PCDHGB7: variants seen among roughly 807,000 people sequenced by gnomAD.
PCDHGB7 encodes the protein protocadherin gamma-B7.
Under a neutral mutation model 61.4 loss-of-function variants are expected in PCDHGB7, and 37 were observed. That is an observed-to-expected ratio of 0.60 (90% CI 0.46 to 0.79). The LOEUF (loss-of-function observed/expected upper bound fraction) is 0.79, where lower values mean the gene tolerates loss of function less well. Among genes scored for constraint, PCDHGB7 ranks in the 30% least tolerant of loss-of-function variants. The pLI, the probability that PCDHGB7 is intolerant of heterozygous loss-of-function variation, is 0.00. For missense variants in PCDHGB7, 1,166 were observed against 1,202.5 expected (o/e 0.97, Z 0.45); for synonymous variants, 464 against 503.5 (o/e 0.92, Z 1.05).
chr5:141,429,387 T>TTAA (rs775632416), intron 1 of PCDHGB7, among the ~76,000 whole-genome samples: 1 of 151,334 alleles, frequency 6.6e-6, no homozygotes, highest in Non-Finnish European at 1.5e-5. Flanking sequence ...GTTTTTTTTT[T>TTAA]AAAAAAAATT....
intron 1 of PCDHGB7, among the ~76,000 whole-genome samples, chr5:141,446,107 T>C (rs1031524158): frequency 6.6e-6 from 1 of 152,130 alleles, no homozygotes; most frequent in Admixed American, 6.5e-5. Flanking sequence ...TATAGATATA[T>C]TTAGGAAATG....
chr5:141,472,533 C>A (rs1200612581), intron 1 of PCDHGB7, among the ~76,000 whole-genome samples: 3 of 150,970 alleles, frequency 2.0e-5, no homozygotes, highest in African/African-American at 7.3e-5. Flanking sequence ...GAGTGAGACA[C>A]CATCTCAAGA....
At chr5:141,424,540 T>G (rs944656560) in intron 1 of PCDHGB7, 1 of 152,244 alleles carries the variant, frequency 6.6e-6, no homozygotes, top group Admixed American at 6.5e-5. Flanking sequence ...TAGAAATAAC[T>G]TGATTTTGAT....
intron 1 of PCDHGB7, among the ~76,000 whole-genome samples, chr5:141,430,388 A>G (rs2097280501): frequency 6.6e-6 from 1 of 152,106 alleles, no homozygotes; most frequent in Non-Finnish European, 1.5e-5. Flanking sequence ...ATTGGGAAAA[A>G]AAAAAAAAGC....
At chr5:141,420,808 G>A (rs539942896) in intron 1 of PCDHGB7, among the ~76,000 whole-genome samples, 2 of 152,288 alleles carry the variant, frequency 1.3e-5, no homozygotes, top group Admixed American at 6.5e-5. Flanking sequence ...AATTAAGCAA[G>A]CCCTTTTAAT....
At chr5:141,458,064 C>G (rs886724551) in intron 1 of PCDHGB7, among the ~76,000 whole-genome samples, 1 of 152,104 alleles carries the variant, frequency 6.6e-6, no homozygotes, top group Admixed American at 6.6e-5. Flanking sequence ...TGCACTGATG[C>G]GAACAACTAT....
chr5:141,493,330 A>G lies in PCDHGB7; in HGVS notation c.2416-1477A>G, dbSNP rs979607147. 6.6e-6 allele frequency among the ~76,000 whole-genome samples: 1 copy of G among 152,182 alleles called. No homozygotes were observed. Among genetic ancestry groups the G allele is most frequent in the Non-Finnish European group, 1.5e-5 (1 of 68,020 alleles). On this transcript the variant is annotated intron_variant, in intron 1 of 3. Coordinates refer to ENST00000398594, the MANE Select transcript of PCDHGB7 (RefSeq NM_018927.4). The surrounding 1 kb of genome is among the most constrained non-coding windows in gnomAD (Gnocchi z 4.3). ...GTAAGAGAGATTCTAACCCCTGTCT[A>G]ACTCCAGAATGTGTGCTTTTAATTT... is the stretch of plus-strand genomic sequence containing the variant.
intron 2 of PCDHGB7, among the ~76,000 whole-genome samples, chr5:141,497,332 A>G (rs537994715): frequency 6.6e-6 from 1 of 152,024 alleles, no homozygotes; most frequent in Non-Finnish European, 1.5e-5. Context: ...AGAATTCACC[A>G]TTGAACCTGG....
intron 2 of PCDHGB7, among the ~76,000 whole-genome samples, chr5:141,499,133 T>C (rs1443866975): frequency 6.6e-6 from 1 of 152,184 alleles, no homozygotes; most frequent in East Asian, 1.9e-4. Context: ...GGTCATCCTT[T>C]GGGTGTCTGA....
rs374200575 is a variant in PCDHGB7 at position 141,432,105 on chromosome 5, C to G, written c.2415+11831C>G. On this transcript the variant is annotated intron_variant, in intron 1 of 3. Transcript: ENST00000398594. This position sits in a 1 kb window ranked among gnomAD's most constrained non-coding sequence, Gnocchi z 6.0. The stretch of plus-strand genomic sequence containing the variant: ...AACGTGGCAGACACCAACGACAACC[C>G]GCCGGTCTTCCCTCAGGCCTCCTAT... 1.2e-6 allele frequency: 2 copies of G among 1,614,172 alleles called. No individual in the cohort carries two copies. Among genetic ancestry groups the G allele is most frequent in the Non-Finnish European group, 1.7e-6 (2 of 1,180,034 alleles).
chr5:141,472,998 G>GAA (rs2099311030), intron 1 of PCDHGB7, among the ~76,000 whole-genome samples: 1 of 134,744 alleles, frequency 7.4e-6, no homozygotes, highest in Non-Finnish European at 1.6e-5. Flanking sequence ...AAAAAAAAAA[G>GAA]AAAGAAAAAG....
At chr5:141,459,375 C>T (rs973503237) in intron 1 of PCDHGB7, among the ~76,000 whole-genome samples, 2 of 152,194 alleles carry the variant, frequency 1.3e-5, no homozygotes, top group African/African-American at 4.8e-5. Flanking sequence ...GTATCAGCAG[C>T]GTGTTCCATT....
intron 1 of PCDHGB7, chr5:141,423,323 C>T (rs200492485): frequency 6.2e-7 from 1 of 1,614,146 alleles, no homozygotes; most frequent in East Asian, 2.2e-5. Flanking sequence ...GTGGCGGTGG[C>T]CGCAGTCTCC....
chr5:141,480,457 G>GT (rs1309116577), intron 1 of PCDHGB7, among the ~76,000 whole-genome samples: 4 of 152,060 alleles, frequency 2.6e-5, no homozygotes, highest in Non-Finnish European at 5.9e-5. Flanking sequence ...ATTTTTATTA[G>GT]TTCCTCACTC....
intron 2 of PCDHGB7, among the ~76,000 whole-genome samples, chr5:141,499,576 G>C (rs2099792836): frequency 1.3e-5 from 2 of 151,790 alleles, no homozygotes; most frequent in Non-Finnish European, 2.9e-5. Context: ...TTCAACTAAT[G>C]CCTTATCTTG....
rs775705715 is a variant in PCDHGB7 at position 141,422,475 on chromosome 5, C to T, written c.2415+2201C>T. ...GCAGAGTGCTGGACAGGGAGTTGGT[C>T]CAGAGCTACAATATAACGTTGACAG... On this transcript the variant is annotated intron_variant, in intron 1 of 3. Coordinates refer to ENST00000398594, the MANE Select transcript of PCDHGB7 (RefSeq NM_018927.4). The T allele has an allele frequency of 7.4e-6, 12 of 1,613,672 alleles. No individual in the cohort carries two copies. The East Asian group carries it at 2.0e-4, about 27-fold the overall frequency.
chr5:141,418,036 G>T lies in PCDHGB7; in HGVS notation c.177G>T (p.Leu59=). Reference sequence around the variant, plus strand: ...CTAAGGATCTAGGGCTTAGTGTCCTGGATGTGTCGGCTCGCGAGCTGCGAG... The same window carrying T: ...CTAAGGATCTAGGGCTTAGTGTCCTTGATGTGTCGGCTCGCGAGCTGCGAG... ...NLAKDLGLSV[L]DVSARELRVS... The change falls in exon 1 of 4, where the codon CTG becomes CTT. Residue 59 remains leucine, a synonymous_variant. Coordinates refer to ENST00000398594, the MANE Select transcript of PCDHGB7 (RefSeq NM_018927.4). The T allele has an allele frequency of 6.2e-7, 1 of 1,614,020 alleles. No individual in the cohort carries two copies. The highest frequency in any genetic ancestry group is 8.5e-7 in the Non-Finnish European group (1 of 1,179,868).
Position 141,433,020 on chromosome 5 carries a change from C to T in PCDHGB7, c.2415+12746C>T, listed in dbSNP as rs761127608. 1.1e-5 allele frequency: 17 copies of T among 1,614,152 alleles called. No individual in the cohort carries two copies. The South Asian group carries it at 1.9e-4, about 18-fold the overall frequency. On this transcript the variant is annotated intron_variant, in intron 1 of 3. Coordinates refer to ENST00000398594, the MANE Select transcript of PCDHGB7 (RefSeq NM_018927.4). ...GTGCAGGCTTTCCTGCAGACCTATTCCCACGAGGTTTCCCTCACCACGGAC... is the reference window on the plus strand; with the variant it reads ...GTGCAGGCTTTCCTGCAGACCTATTTCCACGAGGTTTCCCTCACCACGGAC...
At position 141,490,543 on chromosome 5, in the gene PCDHGB7, C is replaced by T; in HGVS notation, c.2416-4264C>T. 2 of 1,614,188 alleles carry T rather than the reference C, an allele frequency of 1.2e-6. No homozygotes were observed. Among genetic ancestry groups the T allele is most frequent in the Non-Finnish European group, 8.5e-7 (1 of 1,180,024 alleles). On this transcript the variant is annotated intron_variant, in intron 1 of 3. Transcript: ENST00000398594. The surrounding 1 kb of genome is among the most constrained non-coding windows in gnomAD (Gnocchi z 5.4). ...CAGCGATGCTGGTTCACCTTCCCTA[C>T]ACAAACATCTCACCATCAGGCTCAA...
Sources: gnomAD v4.1 joint callset for allele counts (sites outside exome capture counted in the v4.1 genomes callset) on GRCh38, gnomAD v4.1.1 for gene constraint, Gnocchi (gnomAD v3.1) non-coding constraint, MANE v1.5 for transcripts, NCBI Gene and HGNC (gene_info 2026-07-23, HGNC 2026-07-21) for gene names.